The following COCH variants were observed in gnomAD, a reference collection of about 807,000 sequenced individuals.
COCH encodes coagulation factor C homolog, cochlin (Limulus polyphemus).
In COCH, 40 loss-of-function variants were observed where a neutral mutation model predicts 54.8. The observed-to-expected ratio is 0.73, with a 90% CI of 0.57 to 0.95. The LOEUF (loss-of-function observed/expected upper bound fraction) is 0.95. Ranked by LOEUF, COCH falls within the 40% of genes least tolerant of loss-of-function variation. The pLI is 0.00. For missense variants in COCH, 605 were observed against 675.0 expected (o/e 0.90, Z 1.15); for synonymous variants, 256 against 237.9 (o/e 1.08, Z -0.70).
intron 8 of COCH, among the ~76,000 whole-genome samples, chr14:30,883,674 T>C (rs181493695): frequency 4.6e-5 from 7 of 152,294 alleles, no homozygotes; most frequent in African/African-American, 7.2e-5. Context: ...ATCTTAAATT[T>C]TGCACTAGGA....
At chr14:30,879,085 T>C in intron 5 of COCH, 141 bp downstream of exon 5, 1 of 1,278,766 alleles carries the variant, frequency 7.8e-7, no homozygotes, top group Non-Finnish European at 1.1e-6. Flanking sequence ...AAACTGTAGG[T>C]TAGACTGAGG....
chr14:30,892,175 A>G (rs549032269), downstream of COCH, among the ~76,000 whole-genome samples: 7 of 151,206 alleles, frequency 4.6e-5, no homozygotes, highest in East Asian at 1.3e-3. Context: ...ATAAGACATT[A>G]TTTTTGCATA....
intron 3 of COCH, chr14:30,876,598 C>G (rs1594369475): frequency 6.6e-6 from 1 of 152,256 alleles, no homozygotes; most frequent in African/African-American, 2.4e-5. Flanking sequence ...TGAATCTAAG[C>G]ATCTTTTTGT....
chr14:30,882,475 A>T (rs1342875809), intron 8 of COCH, among the ~76,000 whole-genome samples: 1 of 151,602 alleles, frequency 6.6e-6, no homozygotes, highest in East Asian at 1.9e-4. Flanking sequence ...TTTTTTAAAA[A>T]CTCAGACTAT....
rs769184887 is a variant in COCH at position 30,885,816 on chromosome 14, C to T, written c.981C>T (p.Gly327=). 2 of 1,613,932 alleles carry T rather than the reference C, an allele frequency of 1.2e-6. No homozygotes were observed. Among genetic ancestry groups the T allele is most frequent in the African/African-American group, 1.3e-5 (1 of 74,916 alleles). Residue 327 remains glycine (G), a synonymous_variant, in exon 11 of 12, where the codon GGC becomes GGT. Coordinates refer to ENST00000396618, the MANE Select transcript of COCH (RefSeq NM_004086.3). ...FVDKAVCRNN[G]FFSYHMPNWF... ...ATTAGGCTGTCTGTCGGAATAATGG[C>T]TTCTTCTCTTACCACATGCCCAACT...
At chr14:30,887,269 C>T (rs540821258) in intron 11 of COCH, among the ~76,000 whole-genome samples, 96 of 152,074 alleles carry the variant, frequency 6.3e-4, no homozygotes, top group African/African-American at 2.3e-3. Context: ...TAACATACAC[C>T]TGTAATCCCA....
At chr14:30,880,229 T>A (rs567630601) in intron 6 of COCH, among the ~76,000 whole-genome samples, 1 of 152,278 alleles carries the variant, frequency 6.6e-6, no homozygotes, top group East Asian at 1.9e-4. Flanking sequence ...TTTGGGGTAT[T>A]AAAGTCCTGG....
At chr14:30,885,186 G>A (rs1895741010) in intron 9 of COCH, 1 of 1,093,646 alleles carries the variant, frequency 9.1e-7, no homozygotes, top group South Asian at 1.5e-5. Context: ...GGCTTGTGAA[G>A]ATAAATAGGC....
At position 30,886,724 on chromosome 14, in the gene COCH, C is replaced by T. The variant is rs77953817; in HGVS notation, c.1477+412C>T. Reference sequence around the variant, plus strand: ...TGAATCTGCCATTCAGTAATTTATCCTAACTTTCTTGTGTATGAAACAGGT... The same window carrying T: ...TGAATCTGCCATTCAGTAATTTATCTTAACTTTCTTGTGTATGAAACAGGT... On this transcript the variant is annotated intron_variant, in intron 11 of 11. Coordinates refer to ENST00000396618, the MANE Select transcript of COCH (RefSeq NM_004086.3). Among the ~76,000 whole-genome samples the T allele has an allele frequency of 2.4e-4, 36 of 152,280 alleles. No individual in the cohort carries two copies. In the East Asian group the frequency reaches 6.6e-3, roughly 28 times the overall value.
At chr14:30,883,251 T>G (rs1282274861) in intron 8 of COCH, among the ~76,000 whole-genome samples, 4 of 152,236 alleles carry the variant, frequency 2.6e-5, no homozygotes, top group Non-Finnish European at 4.4e-5. Flanking sequence ...CACAGTTTTA[T>G]TGCACATTTT....
Position 30,880,513 on chromosome 14 carries a change from C to A in COCH, c.481+17C>A. The A allele has an allele frequency of 1.9e-6, 3 of 1,614,046 alleles. No individual in the cohort carries two copies. The highest frequency in any genetic ancestry group is 2.5e-6 in the Non-Finnish European group (3 of 1,180,010). ...GCAATAAAGGTAAGAATCAAGATCT[C>A]CATTTGGGAAGGTAGCATTTTCCCT... On this transcript the variant is annotated intron_variant, in intron 7 of 11. Transcript: ENST00000396618.
At chr14:30,882,505 GT>G (rs1223805309) in intron 8 of COCH, among the ~76,000 whole-genome samples, 2 of 150,720 alleles carry the variant, frequency 1.3e-5, no homozygotes, top group African/African-American at 4.8e-5. Context: ...CCTGCATCCT[GT>G]TTTTTTCATC....
chr14:30,893,545 G>A (rs1455527227), downstream of COCH, among the ~76,000 whole-genome samples: 1 of 152,142 alleles, frequency 6.6e-6, no homozygotes, highest in Admixed American at 6.5e-5. Flanking sequence ...ATGGCAAATA[G>A]AACAACACTG....
intron 3 of COCH, chr14:30,875,481 G>A (rs1895324940): frequency 1.9e-6 from 1 of 519,392 alleles, no homozygotes; most frequent in Admixed American, 3.6e-5. Flanking sequence ...TGCTGCGTTT[G>A]GGGGTGGAGG....
At position 30,879,496 on chromosome 14, in the gene COCH, T is replaced by G. The variant is rs376374433; in HGVS notation, c.436+11T>G. 2 of 1,613,492 alleles carry G rather than the reference T, an allele frequency of 1.2e-6. No individual in the cohort carries two copies. The highest frequency in any genetic ancestry group is 2.7e-5 in the African/African-American group (2 of 74,930). ...CACATCCACCAACAGGTATGAACTA[T>G]GAAACCTATCTCCTAGTTGCCCGGC... On this transcript the variant is annotated intron_variant, in intron 6 of 11. Coordinates refer to ENST00000396618, the MANE Select transcript of COCH (RefSeq NM_004086.3).
At position 30,878,886 on chromosome 14, in the gene COCH, T is replaced by C; in HGVS notation, c.315T>C (p.Asp105=). 2 of 1,614,206 alleles carry C rather than the reference T, an allele frequency of 1.2e-6. No homozygotes were observed. The highest frequency in any genetic ancestry group is 1.7e-6 in the Non-Finnish European group (2 of 1,180,040). The part of the protein sequence containing the change: ...LPGRENYSSV[D]ANGIQSQMLS... Reference sequence around the variant, plus strand: ...GTCGAGAAAACTATTCCTCAGTAGATGCCAATGGCATCCAGTCTCAAATGC... The same window carrying C: ...GTCGAGAAAACTATTCCTCAGTAGACGCCAATGGCATCCAGTCTCAAATGC... Residue 105 remains aspartate (D), a synonymous_variant, in exon 5 of 12, where the codon GAT becomes GAC. Coordinates refer to ENST00000396618, the MANE Select transcript of COCH (RefSeq NM_004086.3).
chr14:30,884,532 C>T (rs750928818), intron 8 of COCH, 21 bp from the exon 9 acceptor site: 29 of 1,505,520 alleles, frequency 1.9e-5, no homozygotes, highest in Non-Finnish European at 2.4e-5. Context: ...CCCTGAATAA[C>T]ATTTTCTTTC....
At chr14:30,891,091 T>G (rs1249776957), downstream of COCH, among the ~76,000 whole-genome samples, 2 of 152,088 alleles carry the variant, frequency 1.3e-5, no homozygotes, top group African/African-American at 2.4e-5. Context: ...CCTACTGTCC[T>G]AGGCATTATA....
intron 8 of COCH, among the ~76,000 whole-genome samples, chr14:30,882,120 G>GTTTTTTTTTTTTTTTTTTGTTT (rs1895620276): frequency 8.8e-5 from 6 of 67,892 alleles, no homozygotes; most frequent in African/African-American, 4.0e-4. Context: ...CTATAAAATG[G>GTTTTTTTTTTTTTTTTTTGTTT]TTTTTTTTTT....
Sources: gnomAD v4.1 joint callset for allele counts (sites outside exome capture counted in the v4.1 genomes callset) on GRCh38, gnomAD v4.1.1 for gene constraint, MANE v1.5 for transcripts, NCBI Gene and HGNC (gene_info 2026-07-23, HGNC 2026-07-21) for gene names.